FRA10AC1: variants seen among roughly 807,000 people sequenced by gnomAD.
The protein encoded by FRA10AC1 is FRA10A associated CGG repeat 1, also known as protein FRA10AC1.
Under a neutral mutation model 56.5 loss-of-function variants are expected in FRA10AC1, and 43 were observed. That is an observed-to-expected ratio of 0.76 (90% CI 0.60 to 0.98). The LOEUF (loss-of-function observed/expected upper bound fraction) is 0.98. Ranked by LOEUF, FRA10AC1 falls within the 50% of genes least tolerant of loss-of-function variation. FRA10AC1 has a pLI of 0.00. For synonymous variants in FRA10AC1, 112 were observed against 110.5 expected, an observed-to-expected ratio of 1.01 and a Z score of -0.09; for missense variants, 346 against 351.8, an observed-to-expected ratio of 0.98 and a Z score of 0.13.
chr10:93,688,767 C>T lies in FRA10AC1; in HGVS notation c.466-1318G>A, dbSNP rs112348147. On this transcript the variant is annotated intron_variant, in intron 7 of 13. Transcript: ENST00000359204. ...ATCATGCCACTGCATTCCATCCACC[C>T]TGGGCAACTGAACAAGAGCCTGTCT... Among the ~76,000 whole-genome samples, 964 of 152,154 alleles carry T rather than the reference C, an allele frequency of 6.3e-3. 12 individuals are homozygous for T. Among genetic ancestry groups the T allele is most frequent in the African/African-American group, 0.022 (910 of 41,528 alleles).
chr10:93,697,347 T>C (rs577966841), intron 4 of FRA10AC1, among the ~76,000 whole-genome samples: 3 of 152,278 alleles, frequency 2.0e-5, no homozygotes, highest in Non-Finnish European at 4.4e-5. Context: ...AGTGACACAA[T>C]GGTACTTCTA....
chr10:93,679,940 T>C (rs1385608494), intron 11 of FRA10AC1, among the ~76,000 whole-genome samples: 1 of 152,126 alleles, frequency 6.6e-6, no homozygotes, highest in Admixed American at 6.5e-5. Flanking sequence ...TCAAGGATAA[T>C]CCCCAGATTT....
intron 12 of FRA10AC1, chr10:93,671,078 A>C: frequency 2.4e-6 from 1 of 424,620 alleles, no homozygotes; most frequent in African/African-American, 2.0e-5. Flanking sequence ...GTCTCATCGA[A>C]ACTTCTCTAA....
intron 12 of FRA10AC1, 86 bp from the exon 13 acceptor site, chr10:93,670,934 T>C (rs1277492508): frequency 2.5e-6 from 2 of 813,014 alleles, no homozygotes; most frequent in Non-Finnish European, 4.0e-6. Context: ...TAACTTTTTA[T>C]TTAACTCAGC....
chr10:93,674,549 G>GT (rs999947207), intron 12 of FRA10AC1: 4 of 152,134 alleles, frequency 2.6e-5, no homozygotes, highest in African/African-American at 4.8e-5. Flanking sequence ...TGGATAGTTT[G>GT]TTTTTTCAAG....
chr10:93,668,443 TG>T lies in FRA10AC1; in HGVS notation c.*1382del, dbSNP rs2058712136. 1 of 152,194 alleles carries T rather than the reference TG, an allele frequency of 6.6e-6. No individual in the cohort carries two copies. The highest frequency in any genetic ancestry group is 6.6e-5 in the Admixed American group (1 of 15,264). The allele number at this position is 152,194 out of a possible 1,614,324, so 9.4% of individuals were successfully genotyped here. A position where few individuals can be genotyped will look rare whatever the true frequency, so the allele number is the denominator to read the frequency against. ...AGTTTGCACAGATTCTAAAAAGGCT[TG>T]GATCTCCTGAAGCACCTCCATAGAC... is the stretch of plus-strand genomic sequence containing the variant. On this transcript the variant is annotated 3_prime_UTR_variant, in exon 14 of 14. Transcript: ENST00000359204.
chr10:93,671,982 T>G, intron 12 of FRA10AC1: 1 of 426,120 alleles, frequency 2.3e-6, no homozygotes, highest in South Asian at 1.8e-5. Context: ...ATCACCTGTA[T>G]TAGTCAACTA....
upstream of FRA10AC1, chr10:93,702,917 G>A (rs2059368765): frequency 2.3e-6 from 1 of 444,114 alleles, no homozygotes; most frequent in Admixed American, 2.5e-5. Context: ...CCTCCTCGGA[G>A]GATCCTCTCA....
chr10:93,688,570 G>A (rs1224642276), intron 7 of FRA10AC1, among the ~76,000 whole-genome samples: 2 of 152,186 alleles, frequency 1.3e-5, no homozygotes, highest in Admixed American at 6.6e-5. Context: ...GGTGTGGGAT[G>A]CTGACAGTAG....
chr10:93,693,409 G>C (rs1214079618), intron 5 of FRA10AC1, among the ~76,000 whole-genome samples: 2 of 146,968 alleles, frequency 1.4e-5, no homozygotes, highest in African/African-American at 5.0e-5. Flanking sequence ...AGCACAATTC[G>C]CAATTGCAAA....
intron 12 of FRA10AC1, chr10:93,673,502 A>T: frequency 2.7e-6 from 1 of 375,826 alleles, no homozygotes; most frequent in East Asian, 7.2e-5. Flanking sequence ...CATGTTTTGA[A>T]TAATGAAAGT....
intron 11 of FRA10AC1, among the ~76,000 whole-genome samples, chr10:93,681,159 T>C (rs2058927980): frequency 6.6e-6 from 1 of 152,098 alleles, no homozygotes; most frequent in African/African-American, 2.4e-5. Context: ...CTCACCCCTA[T>C]ACACATAAGA....
At chr10:93,696,226 T>C (rs930309738) in intron 4 of FRA10AC1, among the ~76,000 whole-genome samples, 1 of 152,188 alleles carries the variant, frequency 6.6e-6, no homozygotes, top group African/African-American at 2.4e-5. Context: ...CTAGGTTTTC[T>C]TTTTGTCTCA....
At chr10:93,688,589 A>G (rs992614558) in intron 7 of FRA10AC1, among the ~76,000 whole-genome samples, 1 of 152,132 alleles carries the variant, frequency 6.6e-6, no homozygotes, top group African/African-American at 2.4e-5. Flanking sequence ...AGGGGATGTT[A>G]TGCATGTATG....
chr10:93,702,643 G>A (rs1484820385), upstream of FRA10AC1: 3 of 192,056 alleles, frequency 1.6e-5, no homozygotes, highest in Non-Finnish European at 3.2e-5. Context: ...CCCCGAGTGC[G>A]CCGACCTTGT....
At chr10:93,700,853 G>T (rs2059320240) in intron 1 of FRA10AC1, among the ~76,000 whole-genome samples, 2 of 151,920 alleles carry the variant, frequency 1.3e-5, no homozygotes, top group African/African-American at 4.8e-5. Flanking sequence ...AGTTATTTTT[G>T]GAGAGTCTCG....
At chr10:93,695,595 T>C (rs573202073) in intron 4 of FRA10AC1, among the ~76,000 whole-genome samples, 184 of 152,280 alleles carry the variant, frequency 1.2e-3, no homozygotes, top group Non-Finnish European at 1.6e-3. Context: ...ATGCACATAA[T>C]AGCTAACCTC....
intron 11 of FRA10AC1, among the ~76,000 whole-genome samples, 196 bp downstream of exon 11, chr10:93,681,284 C>A (rs560994918): frequency 6.6e-6 from 1 of 152,066 alleles, no homozygotes; most frequent in African/African-American, 2.4e-5. Context: ...CTAAAATTAA[C>A]CCTTAATTAA....
At chr10:93,671,847 ACTTT>A (rs2058767153) in intron 12 of FRA10AC1, 2 of 340,562 alleles carry the variant, frequency 5.9e-6, no homozygotes, top group Non-Finnish European at 1.1e-5. Context: ...GAATACTTTT[ACTTT>A]CTATTTTAAA....
Sources: gnomAD v4.1 joint callset for allele counts (sites outside exome capture counted in the v4.1 genomes callset) on GRCh38, gnomAD v4.1.1 for gene constraint, MANE v1.5 for transcripts, NCBI Gene and HGNC (gene_info 2026-07-23, HGNC 2026-07-21) for gene names.